Variants in DCC observed in about 807,000 individuals in gnomAD.
DCC encodes netrin receptor DCC.
In DCC, 58 loss-of-function variants were observed where a neutral mutation model predicts 172.5. The ratio of observed to expected loss-of-function variants is 0.34; its 90% confidence interval spans 0.27 to 0.42. DCC has a LOEUF of 0.42. Among genes scored for constraint, DCC ranks in the 10% least tolerant of loss-of-function variants. The pLI is 1.00. For missense variants in DCC, 1,740 were observed against 1,791.0 expected, an observed-to-expected ratio of 0.97 and a Z score of 0.51; for synonymous variants, 709 against 644.5, an observed-to-expected ratio of 1.10 and a Z score of -1.52.
rs1305102897 is a variant in DCC, at chr18:52,523,421, C to CTG, written c.91+182546_91+182547dup. Among the ~76,000 whole-genome samples, 3 of 152,254 alleles carry CTG rather than the reference C, an allele frequency of 2.0e-5. No homozygotes were observed. The East Asian group carries it at 5.8e-4, about 29-fold the overall frequency. ...TATTTAGTTTTACAAATGTGGACAT[C>CTG]TGTGATTCAAAGAAATAAACAAACT... On this transcript the variant is annotated intron_variant, in intron 1 of 28. Coordinates refer to ENST00000442544, the MANE Select transcript of DCC (RefSeq NM_005215.4).
chr18:53,432,276 C>T (rs572339024), intron 21 of DCC, among the ~76,000 whole-genome samples: 4 of 152,146 alleles, frequency 2.6e-5, no homozygotes, highest in Admixed American at 2.6e-4. Context: ...CATAAATAGG[C>T]CTGCATAGGA....
intron 1 of DCC, among the ~76,000 whole-genome samples, chr18:52,650,550 T>C (rs540583544): frequency 4.6e-5 from 7 of 152,184 alleles, no homozygotes; most frequent in Admixed American, 2.6e-4. Flanking sequence ...TTGTTTGTTT[T>C]GGTTTTGTTT....
intron 27 of DCC, among the ~76,000 whole-genome samples, chr18:53,501,505 T>A (rs2046097433): frequency 6.6e-6 from 1 of 151,538 alleles, no homozygotes; most frequent in Non-Finnish European, 1.5e-5. Flanking sequence ...AAAATAATTC[T>A]GAATTGAAGA....
chr18:52,738,073 C>T (rs1367515093), intron 1 of DCC, among the ~76,000 whole-genome samples: 1 of 152,206 alleles, frequency 6.6e-6, no homozygotes, highest in African/African-American at 2.4e-5. Flanking sequence ...ATACCATCCT[C>T]GGTTTTGCCT....
intron 15 of DCC, among the ~76,000 whole-genome samples, chr18:53,381,975 A>G (rs1161415236): frequency 1.3e-5 from 2 of 151,920 alleles, no homozygotes; most frequent in East Asian, 3.9e-4. Context: ...TAGATCAATC[A>G]TATACTTTCC....
chr18:52,427,374 A>T (rs189298902), intron 1 of DCC, among the ~76,000 whole-genome samples: 1,893 of 152,108 alleles, frequency 0.012, 22 homozygotes, highest in Non-Finnish European at 0.014. Context: ...AATTTTTTTT[A>T]AAATCTTTTA....
At chr18:53,527,082 CATGGATACGTGTGT>C in intron 28 of DCC, 1 of 343,700 alleles carries the variant, frequency 2.9e-6, no homozygotes, top group Non-Finnish European at 5.5e-6. Flanking sequence ...ATGATATACA[CATGGATACGTGTGT>C]GTGTGTGTGT....
chr18:52,459,661 G>A (rs1200205947), intron 1 of DCC, among the ~76,000 whole-genome samples: 1 of 151,844 alleles, frequency 6.6e-6, no homozygotes, highest in African/African-American at 2.4e-5. Flanking sequence ...AGTAGAGACG[G>A]GGTTTCACCA....
intron 1 of DCC, among the ~76,000 whole-genome samples, chr18:52,382,698 G>C (rs929473739): frequency 6.6e-6 from 1 of 152,092 alleles, no homozygotes; most frequent in Non-Finnish European, 1.5e-5. Flanking sequence ...GATGATATCA[G>C]GGTTCTGCCT....
intron 1 of DCC, among the ~76,000 whole-genome samples, chr18:52,673,737 C>T (rs956032503): frequency 2.5e-4 from 38 of 152,130 alleles, no homozygotes; most frequent in Non-Finnish European, 1.3e-4. Flanking sequence ...TAGATCACAT[C>T]GCTAATGTTC....
chr18:52,673,543 A>G (rs145731683), intron 1 of DCC, among the ~76,000 whole-genome samples: 44 of 152,268 alleles, frequency 2.9e-4, no homozygotes, highest in African/African-American at 8.4e-4. Flanking sequence ...GTTTGTCACT[A>G]GTTTACTCGG....
At chr18:52,669,479 T>A (rs2035513368) in intron 1 of DCC, among the ~76,000 whole-genome samples, 1 of 152,232 alleles carries the variant, frequency 6.6e-6, no homozygotes, top group South Asian at 2.1e-4. Flanking sequence ...GTTCAGCCTA[T>A]GCCCAAGAAG....
intron 1 of DCC, among the ~76,000 whole-genome samples, chr18:52,560,458 A>G (rs1460090788): frequency 6.6e-6 from 1 of 152,214 alleles, no homozygotes; most frequent in Admixed American, 6.5e-5. Flanking sequence ...GTTAAACTGA[A>G]TACCCTCATT....
chr18:53,279,328 T>A (rs1389182444), intron 12 of DCC, among the ~76,000 whole-genome samples: 1 of 151,858 alleles, frequency 6.6e-6, no homozygotes, highest in African/African-American at 2.4e-5. Context: ...TAAAAAATGA[T>A]GAGTTCATGT....
chr18:52,903,273 T>C (rs1342801341), intron 2 of DCC, among the ~76,000 whole-genome samples: 3 of 152,190 alleles, frequency 2.0e-5, no homozygotes, highest in East Asian at 1.9e-4. Context: ...TGGCACAGTC[T>C]TAGCTCACTG....
chr18:52,436,608 TATTAA>T (rs1254044747), intron 1 of DCC, among the ~76,000 whole-genome samples: 1 of 152,130 alleles, frequency 6.6e-6, no homozygotes. Context: ...TCTTTTACTG[TATTAA>T]ATTCTCAGAA....
At chr18:52,560,214 G>A (rs116935116) in intron 1 of DCC, among the ~76,000 whole-genome samples, 1 of 152,126 alleles carries the variant, frequency 6.6e-6, no homozygotes. Context: ...TGCCTCTGTC[G>A]CAGGAAAGCA....
At chr18:53,384,596 T>A (rs1036718568) in intron 15 of DCC, among the ~76,000 whole-genome samples, 2 of 152,126 alleles carry the variant, frequency 1.3e-5, no homozygotes, top group Admixed American at 1.3e-4. Context: ...TAAAATTTTT[T>A]AATTTACATA....
At position 53,527,807 on chromosome 18, in the gene DCC, G is replaced by A. The variant is rs1431829585; in HGVS notation, c.4254+1048G>A. Among the ~76,000 whole-genome samples, 3 of 151,990 alleles carry A rather than the reference G, an allele frequency of 2.0e-5. No individual in the cohort carries two copies. In the East Asian group the frequency reaches 5.8e-4, roughly 29 times the overall value. On this transcript the variant is annotated intron_variant, in intron 28 of 28. Transcript: ENST00000442544. The stretch of plus-strand genomic sequence containing the variant: ...TTAGTTGTTTCTGAATATAATTCAA[G>A]AGAAAACATTTAAAAGAAGCCTAAG...
Sources: gnomAD v4.1 joint callset for allele counts (sites outside exome capture counted in the v4.1 genomes callset) on GRCh38, gnomAD v4.1.1 for gene constraint, MANE v1.5 for transcripts, NCBI Gene and HGNC (gene_info 2026-07-23, HGNC 2026-07-21) for gene names.